Variants in DSC3 observed in about 807,000 individuals in gnomAD.
DSC3 encodes the protein desmocollin-3.
DSC3 carries 97 observed loss-of-function variants against 89.5 expected under a neutral mutation model. That is an observed-to-expected ratio of 1.08 (90% CI 0.92 to 1.28). The LOEUF is 1.28. Ranked by LOEUF, DSC3 falls within the 50% of genes most tolerant of loss-of-function variation. DSC3 has a pLI of 0.00. For synonymous variants in DSC3, 436 were observed against 384.1 expected, an observed-to-expected ratio of 1.14 and a Z score of -1.58; for missense variants, 1,199 against 1,085.3, an observed-to-expected ratio of 1.10 and a Z score of -1.47.
chr18:31,023,287 T>A (rs1278749478), intron 6 of DSC3, among the ~76,000 whole-genome samples: 1 of 152,174 alleles, frequency 6.6e-6, no homozygotes, highest in Admixed American at 6.5e-5. Context: ...TGTAATGAAC[T>A]CCTTTTACAA....
At chr18:31,028,949 T>G (rs1174662192) in intron 4 of DSC3, among the ~76,000 whole-genome samples, 1 of 152,132 alleles carries the variant, frequency 6.6e-6, no homozygotes, top group African/African-American at 2.4e-5. Context: ...GAGCTCTCAC[T>G]TCTGTACTTT....
rs879240976 is a variant in DSC3, at chr18:30,991,286, A to T, written c.*2889T>A. The T allele has an allele frequency of 2.0e-5, 3 of 152,672 alleles. No individual in the cohort carries two copies. Among genetic ancestry groups the T allele is most frequent in the Non-Finnish European group, 4.4e-5 (3 of 68,044 alleles). 9.5% of individuals were successfully genotyped at this position (152,672 alleles called of 1,614,324 possible). ...GAAAAAACATTCTGTATATTTACAT[A>T]AAAAATTCTAAATCATTCACTGGGG... On this transcript the variant is annotated 3_prime_UTR_variant, in exon 16 of 16. Coordinates refer to ENST00000360428, the MANE Select transcript of DSC3 (RefSeq NM_001941.5).
chr18:31,025,836 A>C lies in DSC3; in HGVS notation c.554T>G (p.Leu185Trp). The change falls in exon 5 of 16, where the codon TTG becomes TGG. Residue 185 changes from leucine to tryptophan, a missense_variant. Transcript: ENST00000360428. ...TCCAGTGTCTCTTTCTATATAAAAC[A>C]AATTTAAAGGTTCTTTATCAACTCC... ...GRGVDKEPLNLFYIERDTGNL... is the reference protein window; with the variant it reads ...GRGVDKEPLNWFYIERDTGNL... 1 of 1,613,212 alleles carries C rather than the reference A, an allele frequency of 6.2e-7. No homozygotes were observed.
At chr18:31,012,887 C>T (rs1376516135) in intron 9 of DSC3, among the ~76,000 whole-genome samples, 2 of 152,028 alleles carry the variant, frequency 1.3e-5, no homozygotes, top group African/African-American at 2.4e-5. Flanking sequence ...TTGGCTATGA[C>T]TTAGGAGAAA....
intron 12 of DSC3, among the ~76,000 whole-genome samples, chr18:31,004,913 T>C (rs1444858339): frequency 6.6e-6 from 1 of 152,192 alleles, no homozygotes; most frequent in Non-Finnish European, 1.5e-5. Flanking sequence ...AATATCTATA[T>C]AACAATTCAC....
chr18:31,008,186 G>T (rs1397241853), intron 10 of DSC3, 28 bp from the exon 11 acceptor site: 1 of 1,606,668 alleles, frequency 6.2e-7, no homozygotes. Context: ...ATAGTCTTTA[G>T]CATCAGAAAA....
chr18:31,006,213 C>T (rs567351073), intron 12 of DSC3, among the ~76,000 whole-genome samples: 1 of 152,146 alleles, frequency 6.6e-6, no homozygotes, highest in Non-Finnish European at 1.5e-5. Flanking sequence ...TTGGTCTATA[C>T]ACCTGAGTTC....
At chr18:31,000,722 C>T (rs1195184065) in intron 14 of DSC3, among the ~76,000 whole-genome samples, 1 of 152,010 alleles carries the variant, frequency 6.6e-6, no homozygotes, top group Non-Finnish European at 1.5e-5. Flanking sequence ...CTATTCTCAC[C>T]GTCTCTTCAC....
In DSC3 at chr18:31,006,890, TA is replaced by T; in HGVS notation, c.1888+16del. On this transcript the variant is annotated intron_variant, in intron 12 of 15. Transcript: ENST00000360428. ...TGTTATTTCAGAGTTTATAAATCAT[TA>T]TTTTTTATTAAATACCATTAACTTT... 6.4e-7 allele frequency: 1 copy of T among 1,562,342 alleles called. No individual in the cohort carries two copies. Among genetic ancestry groups the T allele is most frequent in the Middle Eastern group, 1.7e-4 (1 of 5,984 alleles).
At chr18:31,019,495 C>G (rs941519331) in intron 7 of DSC3, among the ~76,000 whole-genome samples, 2 of 152,150 alleles carry the variant, frequency 1.3e-5, no homozygotes, top group African/African-American at 4.8e-5. Flanking sequence ...CAGCAATCAT[C>G]TAAAACAGGT....
intron 4 of DSC3, among the ~76,000 whole-genome samples, chr18:31,027,211 C>T (rs775764210): frequency 1.6e-4 from 24 of 152,026 alleles, no homozygotes; most frequent in Non-Finnish European, 2.5e-4. Flanking sequence ...AATATTCAAA[C>T]GAAAATAAAC....
rs141304885 is a variant in DSC3, at chr18:30,995,025, AGTT to A, written c.2494-656_2494-654del. Among the ~76,000 whole-genome samples, 320 of 152,330 alleles carry A rather than the reference AGTT, an allele frequency of 2.1e-3. 2 individuals carry two copies. The highest frequency in any genetic ancestry group is 7.4e-3 in the African/African-American group (309 of 41,584). On this transcript the variant is annotated intron_variant, in intron 15 of 15. Coordinates refer to ENST00000360428, the MANE Select transcript of DSC3 (RefSeq NM_001941.5). Reference sequence around the variant, plus strand: ...GGCAAAATATATACATGCATCGAAAAGTTCAATGAAATTAAAAAGAATGAACAT... The same window carrying A: ...GGCAAAATATATACATGCATCGAAAACAATGAAATTAAAAAGAATGAACAT...
intron 9 of DSC3, among the ~76,000 whole-genome samples, chr18:31,015,667 T>C (rs933284155): frequency 6.6e-6 from 1 of 152,108 alleles, no homozygotes; most frequent in Admixed American, 6.6e-5. Flanking sequence ...ATAACGGCCT[T>C]GAGAGAGACT....
intron 9 of DSC3, among the ~76,000 whole-genome samples, chr18:31,010,433 C>T (rs893365946): frequency 1.3e-5 from 2 of 152,144 alleles, no homozygotes; most frequent in South Asian, 2.1e-4. Context: ...CAGAAACACT[C>T]GCTGAAGCCT....
chr18:31,003,979 G>A (rs1030417074), intron 13 of DSC3, among the ~76,000 whole-genome samples, 163 bp downstream of exon 13: 11 of 152,248 alleles, frequency 7.2e-5, no homozygotes, highest in African/African-American at 1.2e-4. Context: ...TCATGTTCCC[G>A]TCACAGAAAA....
At chr18:31,001,098 T>G (rs1032433494) in intron 14 of DSC3, among the ~76,000 whole-genome samples, 29 of 147,186 alleles carry the variant, frequency 2.0e-4, no homozygotes, top group Non-Finnish European at 3.7e-4. Flanking sequence ...TGTATATATA[T>G]ATATATATAT....
intron 15 of DSC3, chr18:30,994,640 C>T: frequency 1.8e-6 from 1 of 567,484 alleles, no homozygotes. Flanking sequence ...TCATTAAATG[C>T]TTATCCCTAA....
Position 31,008,154 on chromosome 18 carries a change from T to A in DSC3, c.1525A>T (p.Lys509Ter). 6.2e-7 allele frequency: 1 copy of A among 1,610,494 alleles called. No individual in the cohort carries two copies. Among genetic ancestry groups the A allele is most frequent in the Non-Finnish European group, 8.5e-7 (1 of 1,177,888 alleles). Residue 509 changes from lysine to a stop codon, truncating the protein, a stop_gained, in exon 11 of 16, where the codon AAA becomes TAA. Coordinates refer to ENST00000360428, the MANE Select transcript of DSC3 (RefSeq NM_001941.5). LOFTEE classifies it high-confidence loss of function. ...ENRNGNGLRY[K>*]KLHDPKGWIT... ...CAACCTTTAGGATCATGCAATTTTT[T>A]GTACCTGTTAATAAAAAAAAAATAG... is the stretch of plus-strand genomic sequence containing the variant.
intron 1 of DSC3, among the ~76,000 whole-genome samples, chr18:31,038,272 A>C (rs1394997798): frequency 6.6e-6 from 1 of 152,230 alleles, no homozygotes; most frequent in South Asian, 2.1e-4. Context: ...CATAAAGTAC[A>C]TTGTTCCATA....
Sources: gnomAD v4.1 joint callset for allele counts (sites outside exome capture counted in the v4.1 genomes callset) on GRCh38, gnomAD v4.1.1 for gene constraint, MANE v1.5 for transcripts, NCBI Gene and HGNC (gene_info 2026-07-23, HGNC 2026-07-21) for gene names.